The following CTNNA3 variants were observed in gnomAD, a reference collection of about 807,000 sequenced individuals.
CTNNA3 encodes catenin alpha-3.
CTNNA3 carries 76 observed loss-of-function variants against 95.7 expected under a neutral mutation model. The observed-to-expected ratio is 0.79, with a 90% CI of 0.66 to 0.96. The LOEUF (loss-of-function observed/expected upper bound fraction) is 0.96. Ranked by LOEUF, CTNNA3 falls within the 40% of genes least tolerant of loss-of-function variation. The probability of loss-of-function intolerance (pLI) is 0.00; values close to 1 mark genes in which losing one functional copy is unlikely to be tolerated. For missense variants in CTNNA3, 1,191 were observed against 1,089.8 expected (o/e 1.09, Z -1.31); for synonymous variants, 431 against 374.4 (o/e 1.15, Z -1.74).
chr10:66,877,301 G>C (rs1370000573), intron 7 of CTNNA3, among the ~76,000 whole-genome samples: 1 of 152,152 alleles, frequency 6.6e-6, no homozygotes, highest in Non-Finnish European at 1.5e-5. Flanking sequence ...TAAATAGATG[G>C]ATCAGGGTAT....
At chr10:67,155,628 T>C (rs1423618630) in intron 7 of CTNNA3, among the ~76,000 whole-genome samples, 1 of 152,102 alleles carries the variant, frequency 6.6e-6, no homozygotes, top group Non-Finnish European at 1.5e-5. Flanking sequence ...ATTTTACAGA[T>C]GAAAATACAG....
chr10:66,309,903 CAAAA>C (rs1336126007), intron 12 of CTNNA3, among the ~76,000 whole-genome samples: 15 of 120,638 alleles, frequency 1.2e-4, no homozygotes, highest in African/African-American at 2.1e-4. Flanking sequence ...ACCAAAGATA[CAAAA>C]AATAAATAAA....
chr10:67,180,358 G>C lies in CTNNA3; in HGVS notation c.1006C>G (p.Arg336Gly). The C allele has an allele frequency of 6.2e-7, 1 of 1,613,710 alleles. No homozygotes were observed. Reference sequence around the variant, plus strand: ...GAAAGCAGATCCTGAAGAGCCTGGCGAATGGCGTTGCATTCTGCGATAATC... The same window carrying C: ...GAAAGCAGATCCTGAAGAGCCTGGCCAATGGCGTTGCATTCTGCGATAATC... Reference protein sequence around the residue: ...ERIIAECNAIRQALQDLLSEY... With the variant: ...ERIIAECNAIGQALQDLLSEY... Residue 336 changes from arginine (R) to glycine (G), a missense_variant, in exon 7 of 18, where the codon CGC (arginine) becomes GGC (glycine). Transcript: ENST00000433211.
chr10:66,091,608 T>C (rs890015659), intron 14 of CTNNA3, among the ~76,000 whole-genome samples: 2 of 151,862 alleles, frequency 1.3e-5, no homozygotes, highest in Admixed American at 6.6e-5. Flanking sequence ...CAAGCAAATA[T>C]GTAATACATC....
chr10:67,759,451 C>A (rs1841450928), intron 1 of CTNNA3, among the ~76,000 whole-genome samples: 1 of 152,134 alleles, frequency 6.6e-6, no homozygotes, highest in Non-Finnish European at 1.5e-5. Context: ...ACTTTGATCA[C>A]CTCTTGTTGG....
intron 7 of CTNNA3, among the ~76,000 whole-genome samples, chr10:66,845,716 A>AAAAAAAAAAAC (rs1843235049): frequency 7.9e-6 from 1 of 127,006 alleles, no homozygotes; most frequent in South Asian, 2.7e-4. Flanking sequence ...AAAAAAAAAA[A>AAAAAAAAAAAC]AAAAAAAAAA....
chr10:67,436,116 A>G (rs2132913941), intron 5 of CTNNA3, among the ~76,000 whole-genome samples: 1 of 152,262 alleles, frequency 6.6e-6, no homozygotes, highest in African/African-American at 2.4e-5. Flanking sequence ...GTACTGGTAT[A>G]AAAATAGACA....
intron 10 of CTNNA3, among the ~76,000 whole-genome samples, chr10:66,541,076 A>C (rs1383450679): frequency 3.3e-5 from 5 of 152,104 alleles, no homozygotes; most frequent in Non-Finnish European, 2.9e-5. Context: ...GTTAATAATA[A>C]TCAACTATTT....
intron 7 of CTNNA3, among the ~76,000 whole-genome samples, chr10:67,025,153 A>AAAGGAAGGAAGGAAGGAAGG: frequency 1.3e-5 from 2 of 149,350 alleles, no homozygotes; most frequent in African/African-American, 5.0e-5. Flanking sequence ...AAAAAGAAAG[A>AAAGGAAGGAAGGAAGGAAGG]AAGGAAGGAA....
chr10:65,913,805 C>T lies in CTNNA3; in HGVS notation c.*6525G>A, dbSNP rs1386721229. 1 of 152,044 alleles carries T rather than the reference C, an allele frequency of 6.6e-6. No individual in the cohort carries two copies. Among genetic ancestry groups the T allele is most frequent in the African/African-American group, 2.4e-5 (1 of 41,408 alleles). 9.4% of individuals were successfully genotyped at this position (152,044 alleles called of 1,614,324 possible). A position where few individuals can be genotyped will look rare whatever the true frequency, so the allele number is the denominator to read the frequency against. On this transcript the variant is annotated 3_prime_UTR_variant, in exon 18 of 18. Coordinates refer to ENST00000433211, the MANE Select transcript of CTNNA3 (RefSeq NM_013266.4). ...TTAAAAGCCCAGGTCAAGGAAATCC[C>T]TTAGTAGAAGCTCAACTCTCAGTGA...
Position 65,991,054 on chromosome 10 carries a change from G to A in CTNNA3, c.2160-2257C>T, listed in dbSNP as rs868641998. 5.9e-5 allele frequency among the ~76,000 whole-genome samples: 9 copies of A among 152,074 alleles called. No homozygotes were observed. In the South Asian group the frequency reaches 1.5e-3, roughly 25 times the overall value. ...AGTGCCTGTTCTTCCCACCTTTGTCGAAAACCAGTTGGTTATAAATGTGTG... is the reference window on the plus strand; with the variant it reads ...AGTGCCTGTTCTTCCCACCTTTGTCAAAAACCAGTTGGTTATAAATGTGTG... On this transcript the variant is annotated intron_variant, in intron 15 of 17. Transcript: ENST00000433211.
intron 13 of CTNNA3, among the ~76,000 whole-genome samples, chr10:66,155,212 A>G (rs978230803): frequency 2.0e-5 from 3 of 151,794 alleles, no homozygotes; most frequent in Non-Finnish European, 4.4e-5. Context: ...GAACTCTTGC[A>G]TCTTAAAGGC....
intron 15 of CTNNA3, among the ~76,000 whole-genome samples, chr10:66,063,766 C>T (rs914982689): frequency 1.6e-4 from 25 of 151,988 alleles, no homozygotes; most frequent in African/African-American, 5.5e-4. Flanking sequence ...TGATATGGAA[C>T]ATTTATTCTA....
chr10:66,814,655 T>A (rs1168679141), intron 7 of CTNNA3, among the ~76,000 whole-genome samples: 11 of 151,916 alleles, frequency 7.2e-5, no homozygotes, highest in African/African-American at 2.7e-4. Context: ...TCCCAGTTAT[T>A]TGAGGGGCTG....
chr10:66,484,693 C>T (rs1412223580), intron 11 of CTNNA3, among the ~76,000 whole-genome samples: 2 of 151,870 alleles, frequency 1.3e-5, no homozygotes, highest in Non-Finnish European at 2.9e-5. Flanking sequence ...CCGAAAACCT[C>T]CCAAAAAAGA....
chr10:66,401,581 G>A (rs2093021847), intron 11 of CTNNA3, among the ~76,000 whole-genome samples: 1 of 148,596 alleles, frequency 6.7e-6, no homozygotes, highest in Non-Finnish European at 1.5e-5. Context: ...CTGGCATTTA[G>A]TAGGCATGCA....
intron 15 of CTNNA3, among the ~76,000 whole-genome samples, chr10:66,043,956 CTGTGTGTGTGTGTGTG>C (rs59559225): frequency 3.9e-4 from 56 of 144,494 alleles, no homozygotes; most frequent in Middle Eastern, 3.7e-3. Context: ...TAGGACTATG[CTGTGTGTGTGTGTGTG>C]TGTGTGTGTG....
chr10:67,204,251 G>A (rs1863785464), intron 6 of CTNNA3, among the ~76,000 whole-genome samples: 4 of 152,090 alleles, frequency 2.6e-5, no homozygotes, highest in African/African-American at 9.7e-5. Flanking sequence ...GAGGGGCTTG[G>A]CGGGAGGTGA....
At chr10:66,103,791 A>T (rs1589411162) in intron 13 of CTNNA3, among the ~76,000 whole-genome samples, 1 of 152,200 alleles carries the variant, frequency 6.6e-6, no homozygotes. Context: ...AATGTTCTGC[A>T]GTTAGATAGT....
Sources: gnomAD v4.1 joint callset for allele counts (sites outside exome capture counted in the v4.1 genomes callset) on GRCh38, gnomAD v4.1.1 for gene constraint, MANE v1.5 for transcripts, NCBI Gene and HGNC (gene_info 2026-07-23, HGNC 2026-07-21) for gene names.